Variants in TUSC3 observed in about 807,000 individuals in gnomAD.
The protein encoded by TUSC3 is tumor suppressor candidate 3, also known as dolichyl-diphosphooligosaccharide--protein glycosyltransferase subunit TUSC3.
In TUSC3, 45 loss-of-function variants were observed where a neutral mutation model predicts 44.8. The ratio of observed to expected loss-of-function variants is 1.00; its 90% confidence interval spans 0.79 to 1.29. The LOEUF (loss-of-function observed/expected upper bound fraction) is 1.29, where lower values mean the gene tolerates loss of function less well. Ranked by LOEUF, TUSC3 falls within the 50% of genes most tolerant of loss-of-function variation. The pLI, the probability that TUSC3 is intolerant of heterozygous loss-of-function variation, is 0.00. For synonymous variants in TUSC3, 212 were observed against 152.9 expected (o/e 1.39, Z -2.85); for missense variants, 519 against 437.9 (o/e 1.19, Z -1.65).
intron 6 of TUSC3, among the ~76,000 whole-genome samples, chr8:15,692,372 T>TTTG (rs775284039): frequency 6.3e-5 from 2 of 31,970 alleles, no homozygotes; most frequent in Non-Finnish European, 1.2e-4. Flanking sequence ...CCCCCCCCCC[T>TTTG]TTGTTTTTTT....
the TUSC3 span, chr8:15,807,085 C>T: frequency 7.3e-7 from 1 of 1,377,346 alleles, no homozygotes; most frequent in Non-Finnish European, 1.0e-6. Flanking sequence ...TATTTGGCAA[C>T]CTGAGAACCA....
In TUSC3 at chr8:15,684,509, C is replaced by A. The variant is rs77945828; in HGVS notation, c.798+10673C>A. ...CCAGGAGCAGGCCCAACCGGCTAAG[C>A]TTGTCGTAAGCCTTCTGCACCTAGA... is the stretch of plus-strand genomic sequence containing the variant. On this transcript the variant is annotated intron_variant, in intron 6 of 10. Coordinates refer to ENST00000503731, the MANE Select transcript of TUSC3 (RefSeq NM_006765.4). Among the ~76,000 whole-genome samples, 747 of 152,284 alleles carry A rather than the reference C, an allele frequency of 4.9e-3. 7 individuals carry two copies. The highest frequency in any genetic ancestry group is 0.017 in the African/African-American group (710 of 41,556).
At chr8:15,804,461 G>C in the TUSC3 span, among the ~76,000 whole-genome samples, 6 of 152,102 alleles carry the variant, frequency 3.9e-5, no homozygotes, top group Non-Finnish European at 8.8e-5. Flanking sequence ...CATAGTTTGA[G>C]GTCTTACATT....
intron 1 of TUSC3, among the ~76,000 whole-genome samples, chr8:15,563,032 A>G (rs559478431): frequency 1.3e-5 from 2 of 152,124 alleles, no homozygotes; most frequent in South Asian, 4.2e-4. Flanking sequence ...TTCATTGGGG[A>G]TTATTTCATT....
chr8:15,761,350 G>A (rs963223177), intron 10 of TUSC3, among the ~76,000 whole-genome samples: 2 of 152,128 alleles, frequency 1.3e-5, no homozygotes, highest in Non-Finnish European at 2.9e-5. Flanking sequence ...CTGCATCCCT[G>A]ATGGACTTTA....
intron 1 of TUSC3, among the ~76,000 whole-genome samples, chr8:15,564,126 A>G (rs1008672116): frequency 3.3e-5 from 5 of 152,146 alleles, no homozygotes; most frequent in African/African-American, 1.2e-4. Context: ...AGTGTCTTTT[A>G]AAGTATTAGT....
chr8:15,502,657 C>CT (rs1411062252), intron 2 of TUSC3, among the ~76,000 whole-genome samples: 1 of 152,104 alleles, frequency 6.6e-6, no homozygotes, highest in Non-Finnish European at 1.5e-5. Flanking sequence ...CACCTGGCTA[C>CT]TTTTTTTGTA....
At chr8:15,690,355 T>TG (rs1808845203) in intron 6 of TUSC3, among the ~76,000 whole-genome samples, 1 of 92,216 alleles carries the variant, frequency 1.1e-5, no homozygotes, top group Non-Finnish European at 3.1e-5. Context: ...TTAAAGGGAG[T>TG]TTTTTTTTTT....
chr8:15,512,505 G>A (rs1003940623), intron 2 of TUSC3, among the ~76,000 whole-genome samples: 1 of 152,118 alleles, frequency 6.6e-6, no homozygotes, highest in Non-Finnish European at 1.5e-5. Flanking sequence ...GGGCACGGTG[G>A]CTCACACCTG....
intron 1 of TUSC3, among the ~76,000 whole-genome samples, chr8:15,448,110 T>TAC (rs1800132324): frequency 3.7e-4 from 41 of 110,864 alleles, no homozygotes; most frequent in Middle Eastern, 4.7e-3. Context: ...TGTATATACA[T>TAC]ATATATATAT....
chr8:15,517,522 CAAAAAAAAAAAAAAAAAAAA>C (rs71211049), intron 2 of TUSC3, among the ~76,000 whole-genome samples: 44 of 77,564 alleles, frequency 5.7e-4, no homozygotes, highest in Non-Finnish European at 7.0e-4. Context: ...TAGCGTGAGG[CAAAAAAAAAAAAAAAAAAAA>C]AAAAAAAAAA....
chr8:15,658,150 A>G (rs1467583185), intron 3 of TUSC3, among the ~76,000 whole-genome samples: 1 of 152,152 alleles, frequency 6.6e-6, no homozygotes. Flanking sequence ...ACATGGACCA[A>G]CTCTTAATCT....
the TUSC3 span, among the ~76,000 whole-genome samples, chr8:15,836,252 G>T: frequency 6.6e-6 from 1 of 151,606 alleles, no homozygotes; most frequent in East Asian, 1.9e-4. Context: ...AAGGTGGGTG[G>T]AATGCTTGAG....
intron 2 of TUSC3, among the ~76,000 whole-genome samples, chr8:15,499,746 C>G (rs1280830147): frequency 2.6e-5 from 4 of 152,096 alleles, no homozygotes; most frequent in Non-Finnish European, 5.9e-5. Flanking sequence ...TTCTGCCTAT[C>G]TTTGAGCTGA....
intron 1 of TUSC3, among the ~76,000 whole-genome samples, chr8:15,611,676 A>T (rs1246035368): frequency 2.0e-5 from 3 of 152,084 alleles, no homozygotes; most frequent in Non-Finnish European, 2.9e-5. Flanking sequence ...AATTTACTGT[A>T]TAGCTCATTG....
chr8:15,676,008 A>T (rs906523179), intron 6 of TUSC3, among the ~76,000 whole-genome samples: 1 of 152,066 alleles, frequency 6.6e-6, no homozygotes, highest in African/African-American at 2.4e-5. Context: ...AGACATCTCC[A>T]TGTTGTTTTC....
chr8:15,453,115 C>A (rs1471737958), intron 1 of TUSC3, among the ~76,000 whole-genome samples: 4 of 152,154 alleles, frequency 2.6e-5, no homozygotes, highest in Non-Finnish European at 5.9e-5. Flanking sequence ...GAGCTAGTTT[C>A]ATCCATGGTG....
chr8:15,767,343 C>CATCT (rs1156657153), downstream of TUSC3, among the ~76,000 whole-genome samples: 1 of 151,472 alleles, frequency 6.6e-6, no homozygotes, highest in Non-Finnish European at 1.5e-5. Flanking sequence ...AATGTGGATA[C>CATCT]ATCTATCTAT....
At chr8:15,488,833 T>C (rs1447643107) in intron 2 of TUSC3, among the ~76,000 whole-genome samples, 1 of 152,150 alleles carries the variant, frequency 6.6e-6, no homozygotes, top group African/African-American at 2.4e-5. Context: ...CTATGAGAAA[T>C]AAATGTTAGT....
Sources: gnomAD v4.1 joint callset for allele counts (sites outside exome capture counted in the v4.1 genomes callset) on GRCh38, gnomAD v4.1.1 for gene constraint, MANE v1.5 for transcripts, NCBI Gene and HGNC (gene_info 2026-07-23, HGNC 2026-07-21) for gene names.